The following CNTN6 variants were observed in gnomAD, a reference collection of about 807,000 sequenced individuals.
The protein encoded by CNTN6 is contactin 6, also known as contactin-6.
Under a neutral mutation model 122.8 loss-of-function variants are expected in CNTN6, and 137 were observed. That is an observed-to-expected ratio of 1.12 (90% CI 0.97 to 1.29). The LOEUF is 1.29. Among genes scored for constraint, CNTN6 ranks in the 50% most tolerant of loss-of-function variants. CNTN6 has a pLI of 0.00. For synonymous variants in CNTN6, 570 were observed against 426.0 expected, an observed-to-expected ratio of 1.34 and a Z score of -4.16; for missense variants, 1,634 against 1,223.4, an observed-to-expected ratio of 1.34 and a Z score of -5.01.
rs116757186 is a variant in CNTN6, at chr3:1,255,357, G to A, written c.359-23056G>A. On this transcript the variant is annotated intron_variant, in intron 4 of 22. Coordinates refer to ENST00000446702, the MANE Select transcript of CNTN6 (RefSeq NM_001289080.2). ...AATGGGGTAAGAATATTCCATAGAC[G>A]GAAACACCACGTTTAAAGCCTATGA... is the stretch of plus-strand genomic sequence containing the variant. Among the ~76,000 whole-genome samples, 623 of 151,290 alleles carry A rather than the reference G, an allele frequency of 4.1e-3. 5 individuals are homozygous for A. Among genetic ancestry groups the A allele is most frequent in the African/African-American group, 0.014 (590 of 41,186 alleles).
chr3:1,319,359 A>G (rs1490491750), intron 7 of CNTN6, among the ~76,000 whole-genome samples: 1 of 151,708 alleles, frequency 6.6e-6, no homozygotes, highest in Non-Finnish European at 1.5e-5. Flanking sequence ...TTAGAAAAGT[A>G]AGTGAAATTA....
intron 2 of CNTN6, among the ~76,000 whole-genome samples, chr3:1,202,525 A>G (rs570004915): frequency 9.6e-4 from 143 of 149,152 alleles, no homozygotes; most frequent in Admixed American, 2.5e-3. Context: ...TGGGCGACAG[A>G]GCCAGACTCC....
chr3:1,241,188 T>G (rs2094478273), intron 4 of CNTN6, among the ~76,000 whole-genome samples: 1 of 152,146 alleles, frequency 6.6e-6, no homozygotes, highest in South Asian at 2.1e-4. Flanking sequence ...GATGTATACG[T>G]GCAAGTTACA....
chr3:1,153,501 T>C (rs897328730), intron 2 of CNTN6, among the ~76,000 whole-genome samples: 5 of 152,206 alleles, frequency 3.3e-5, no homozygotes, highest in Non-Finnish European at 7.3e-5. Flanking sequence ...ATAAAGTTGT[T>C]TTTAGGGCTG....
At chr3:1,263,540 T>C (rs2094881430) in intron 4 of CNTN6, among the ~76,000 whole-genome samples, 1 of 152,132 alleles carries the variant, frequency 6.6e-6, no homozygotes, top group South Asian at 2.1e-4. Flanking sequence ...TCCAGGTCGA[T>C]CCTAGCCTCT....
intron 11 of CNTN6, among the ~76,000 whole-genome samples, chr3:1,343,724 A>G (rs1039779788): frequency 2.6e-5 from 4 of 152,116 alleles, no homozygotes; most frequent in Admixed American, 6.6e-5. Flanking sequence ...CTCTATATAT[A>G]TATAGCATAA....
At chr3:1,181,531 G>A (rs1247341049) in intron 2 of CNTN6, among the ~76,000 whole-genome samples, 5 of 152,064 alleles carry the variant, frequency 3.3e-5, no homozygotes, top group Admixed American at 3.3e-4. Context: ...TTAATGAGCC[G>A]AATAACACAA....
chr3:1,382,988 T>A lies in CNTN6; in HGVS notation c.2213T>A (p.Ile738Asn), dbSNP rs1692151499. The change falls in exon 18 of 23, where the codon ATC (isoleucine) becomes AAC (asparagine). Residue 738 changes from isoleucine (I) to asparagine (N), a missense_variant. Coordinates refer to ENST00000446702, the MANE Select transcript of CNTN6 (RefSeq NM_001289080.2). ...LQNGEGFGYI[I>N]MFRPVGSTTW... is the part of the protein sequence containing the mutation. ...AATGGGGAGGGATTTGGATATATCA[T>A]CATGTTCCGGCCAGTGGGCTCGACA... 1 of 1,614,008 alleles carries A rather than the reference T, an allele frequency of 6.2e-7. No individual in the cohort carries two copies. Among genetic ancestry groups the A allele is most frequent in the African/African-American group, 1.3e-5 (1 of 74,926 alleles).
chr3:1,149,433 A>G (rs1386738526), intron 2 of CNTN6, among the ~76,000 whole-genome samples: 1 of 152,234 alleles, frequency 6.6e-6, no homozygotes, highest in Non-Finnish European at 1.5e-5. Context: ...AAACACAGTA[A>G]TTGTAAAGGA....
At chr3:1,121,539 C>G (rs2091949832) in intron 1 of CNTN6, among the ~76,000 whole-genome samples, 1 of 151,904 alleles carries the variant, frequency 6.6e-6, no homozygotes, top group Non-Finnish European at 1.5e-5. Context: ...CACCACCAAT[C>G]TATTTCTCCT....
intron 7 of CNTN6, among the ~76,000 whole-genome samples, chr3:1,302,117 C>T (rs527794985): frequency 1.8e-4 from 28 of 152,214 alleles, no homozygotes; most frequent in Middle Eastern, 6.8e-3. Flanking sequence ...AACGTCTTAT[C>T]TTCAAAATTA....
chr3:1,300,405 G>T (rs773612752), intron 7 of CNTN6, among the ~76,000 whole-genome samples: 2 of 150,828 alleles, frequency 1.3e-5, no homozygotes, highest in Non-Finnish European at 2.9e-5. Flanking sequence ...TCTGTCTCAG[G>T]ATTGATGACA....
chr3:1,311,110 T>A, intron 7 of CNTN6, among the ~76,000 whole-genome samples: 1 of 151,428 alleles, frequency 6.6e-6, no homozygotes, highest in Admixed American at 6.6e-5. Context: ...CATACTTAGG[T>A]TTTTATATAT....
chr3:1,378,821 A>G (rs188395411), intron 17 of CNTN6, among the ~76,000 whole-genome samples: 8 of 152,134 alleles, frequency 5.3e-5, no homozygotes, highest in South Asian at 2.1e-4. Flanking sequence ...TACAATCCCA[A>G]TTGTCTTCAT....
At position 1,263,542 on chromosome 3, in the gene CNTN6, C is replaced by T. The variant is rs900827165; in HGVS notation, c.359-14871C>T. ...GCTACCACATGTTTCCAGGTCGATC[C>T]TAGCCTCTTCTCTAAGAAACCTTTA... On this transcript the variant is annotated intron_variant, in intron 4 of 22. Transcript: ENST00000446702. Among the ~76,000 whole-genome samples, 4 of 152,090 alleles carry T rather than the reference C, an allele frequency of 2.6e-5. No individual in the cohort carries two copies. The East Asian group carries it at 7.7e-4, about 29-fold the overall frequency.
chr3:1,255,425 A>AAAAGAAAGAAAG (rs561663204), intron 4 of CNTN6, among the ~76,000 whole-genome samples: 4 of 144,374 alleles, frequency 2.8e-5, no homozygotes, highest in South Asian at 4.7e-4. Flanking sequence ...TGGAAAAAAA[A>AAAAGAAAGAAAG]AAAGAAAGAA....
At chr3:1,124,969 C>T (rs2092106819) in intron 1 of CNTN6, among the ~76,000 whole-genome samples, 1 of 151,878 alleles carries the variant, frequency 6.6e-6, no homozygotes, top group South Asian at 2.1e-4. Context: ...CTTCAAGACC[C>T]AGATCAGTGC....
At chr3:1,119,633 C>A (rs2091876335) in intron 1 of CNTN6, among the ~76,000 whole-genome samples, 1 of 151,180 alleles carries the variant, frequency 6.6e-6, no homozygotes, top group South Asian at 2.1e-4. Context: ...ACTAGATAAG[C>A]ATGGCTTTTT....
chr3:1,146,565 C>T (rs943816252), intron 1 of CNTN6, among the ~76,000 whole-genome samples: 2 of 126,172 alleles, frequency 1.6e-5, no homozygotes, highest in African/African-American at 5.6e-5. Context: ...TTAATATTAT[C>T]ATATTTACTA....
Sources: allele counts gnomAD v4.1 joint callset (sites outside exome capture counted in the v4.1 genomes callset), GRCh38; gene constraint gnomAD v4.1.1; transcripts MANE v1.5; gene names NCBI Gene and HGNC (gene_info 2026-07-23, HGNC 2026-07-21).